CDK6: variants seen among roughly 807,000 people sequenced by gnomAD.
CDK6 encodes the protein cyclin dependent kinase 6, also known as cyclin-dependent kinase 6.
CDK6 carries 6 observed loss-of-function variants against 37.1 expected under a neutral mutation model. The ratio of observed to expected loss-of-function variants is 0.16; its 90% CI spans 0.09 to 0.32. The LOEUF (loss-of-function observed/expected upper bound fraction) is 0.32, where lower values mean the gene tolerates loss of function less well. Among genes scored for constraint, CDK6 ranks in the 10% least tolerant of loss-of-function variants. The probability of loss-of-function intolerance (pLI) is 1.00; values close to 1 mark genes in which losing one functional copy is unlikely to be tolerated. For synonymous variants in CDK6, 160 were observed against 161.3 expected (o/e 0.99, Z 0.06); for missense variants, 224 against 418.9 (o/e 0.53, Z 4.06).
intron 4 of CDK6, among the ~76,000 whole-genome samples, chr7:92,714,908 G>A (rs1325799875): frequency 6.6e-6 from 1 of 151,988 alleles, no homozygotes; most frequent in Non-Finnish European, 1.5e-5. Context: ...ATTCTTGACA[G>A]AATTCTTTCC....
chr7:92,736,479 G>A (rs773223219), intron 3 of CDK6, among the ~76,000 whole-genome samples: 2 of 152,202 alleles, frequency 1.3e-5, no homozygotes, highest in Non-Finnish European at 2.9e-5. Context: ...TAGGCACTGA[G>A]TAAGCACCAA....
chr7:92,757,260 G>A (rs1799339312), intron 3 of CDK6, among the ~76,000 whole-genome samples: 1 of 152,072 alleles, frequency 6.6e-6, no homozygotes, highest in African/African-American at 2.4e-5. Context: ...AAGGTATTAA[G>A]CCCAGTACTG....
At position 92,608,860 on chromosome 7, in the gene CDK6, C is replaced by T. The variant is rs547564660; in HGVS notation, c.*6280G>A. The T allele has an allele frequency of 2.8e-4, 64 of 232,434 alleles. 1 individual carries two copies. The highest frequency in any genetic ancestry group is 1.3e-3 in the African/African-American group (58 of 45,368). The allele number at this position is 232,434 out of a possible 1,614,324, so 14.4% of individuals were successfully genotyped here. On this transcript the variant is annotated 3_prime_UTR_variant, in exon 8 of 8. Coordinates refer to ENST00000424848, the MANE Select transcript of CDK6 (RefSeq NM_001145306.2). ...CCCAGCCCGGCCTCGCCCACTGCCT[C>T]TCTCCTGCCAAAGGGGCGGGGCAAC...
At chr7:92,662,046 GGA>G (rs1796851661) in intron 5 of CDK6, among the ~76,000 whole-genome samples, 1 of 152,152 alleles carries the variant, frequency 6.6e-6, no homozygotes, top group African/African-American at 2.4e-5. Context: ...TTTCCAGAAT[GGA>G]GAGACAAGGG....
chr7:92,759,851 T>G (rs934921332), intron 3 of CDK6, among the ~76,000 whole-genome samples: 4 of 152,126 alleles, frequency 2.6e-5, no homozygotes, highest in Non-Finnish European at 4.4e-5. Flanking sequence ...TACAAACATG[T>G]TGCTGTATGG....
chr7:92,730,431 A>C (rs1355755971), intron 3 of CDK6, among the ~76,000 whole-genome samples: 1 of 152,218 alleles, frequency 6.6e-6, no homozygotes, highest in Admixed American at 6.5e-5. Context: ...GTTTTTTAAC[A>C]CTAAACCAAT....
At chr7:92,762,829 C>T (rs1267071214) in intron 3 of CDK6, among the ~76,000 whole-genome samples, 2 of 152,110 alleles carry the variant, frequency 1.3e-5, no homozygotes, top group African/African-American at 4.8e-5. Flanking sequence ...CCTCAATCTC[C>T]CAAAGTGCTG....
intron 2 of CDK6, among the ~76,000 whole-genome samples, chr7:92,782,457 G>T (rs1406581276): frequency 6.6e-6 from 1 of 152,136 alleles, no homozygotes; most frequent in Non-Finnish European, 1.5e-5. Context: ...GAACAACCCT[G>T]GATTGAGTGA....
chr7:92,618,893 G>GAACAGCAA (rs1795739410), intron 6 of CDK6, among the ~76,000 whole-genome samples: 1 of 152,136 alleles, frequency 6.6e-6, no homozygotes, highest in Non-Finnish European at 1.5e-5. Context: ...AATGTGGAAA[G>GAACAGCAA]AACAGCAAGT....
intron 4 of CDK6, among the ~76,000 whole-genome samples, chr7:92,697,823 C>G (rs1293178170): frequency 6.6e-6 from 1 of 152,148 alleles, no homozygotes; most frequent in Non-Finnish European, 1.5e-5. Flanking sequence ...AGCTGCAATA[C>G]TTGGTTTCTG....
intron 5 of CDK6, among the ~76,000 whole-genome samples, chr7:92,655,324 G>T (rs1187218771): frequency 1.3e-5 from 2 of 152,094 alleles, no homozygotes; most frequent in African/African-American, 4.8e-5. Flanking sequence ...GTTTACAGAG[G>T]TAAATGCAAA....
intron 2 of CDK6, among the ~76,000 whole-genome samples, chr7:92,791,673 C>T (rs1180691220): frequency 6.6e-6 from 1 of 152,128 alleles, no homozygotes. Context: ...GTTGGAGGCC[C>T]TGAAGAAGAG....
intron 3 of CDK6, among the ~76,000 whole-genome samples, chr7:92,770,319 C>CTT (rs746741500): frequency 4.3e-4 from 39 of 90,886 alleles, no homozygotes; most frequent in South Asian, 6.8e-4. Context: ...TCTATGTATG[C>CTT]TTTTTTTTTT....
intron 7 of CDK6, among the ~76,000 whole-genome samples, chr7:92,617,777 G>T (rs1795713507): frequency 6.6e-6 from 1 of 152,114 alleles, no homozygotes; most frequent in Admixed American, 6.5e-5. Flanking sequence ...TACTTCTAAA[G>T]AAACATATGT....
Position 92,823,263 on chromosome 7 carries a change from G to A in CDK6, c.233+9828C>T, listed in dbSNP as rs577091983. On this transcript the variant is annotated intron_variant, in intron 2 of 7. Coordinates refer to ENST00000424848, the MANE Select transcript of CDK6 (RefSeq NM_001145306.2). ...CATCACTTTGAGTCAGTCAATACTT[G>A]AGTAGTAATGTCTGTGAAACAGACT... Among the ~76,000 whole-genome samples, 12 of 151,438 alleles carry A rather than the reference G, an allele frequency of 7.9e-5. No individual in the cohort carries two copies. The South Asian group carries it at 2.1e-3, about 26-fold the overall frequency.
chr7:92,671,533 G>A lies in CDK6; in HGVS notation c.540C>T (p.Val180=), dbSNP rs369715470. ...YSFQMALTSV[V]VTLWYRAPEV... is the part of the protein sequence containing the mutation. ...CGGGTGCTCTGTACCACAGCGTGAC[G>A]ACCTGCAATGGCAAGCGGATCCAAG... The change falls in exon 5 of 8, where the codon GTC becomes GTT. Residue 180 remains valine, a splice_region_variant and synonymous_variant. Coordinates refer to ENST00000424848, the MANE Select transcript of CDK6 (RefSeq NM_001145306.2). 10 of 1,549,944 alleles carry A rather than the reference G, an allele frequency of 6.5e-6. No individual in the cohort carries two copies. In the African/African-American group the frequency reaches 1.3e-4, roughly 19 times the overall value.
chr7:92,653,922 C>T (rs961368160), intron 5 of CDK6, among the ~76,000 whole-genome samples: 9 of 152,134 alleles, frequency 5.9e-5, no homozygotes, highest in Non-Finnish European at 1.2e-4. Flanking sequence ...TCATCAATTT[C>T]TTAGGCCAGA....
At chr7:92,789,811 C>T (rs1484874429) in intron 2 of CDK6, among the ~76,000 whole-genome samples, 1 of 152,120 alleles carries the variant, frequency 6.6e-6, no homozygotes. Flanking sequence ...GATGAAGAAG[C>T]TAAGATTCAT....
In CDK6 at chr7:92,614,569, C is replaced by CTATTT; in HGVS notation, c.*566_*570dup. 1 of 233,704 alleles carries CTATTT rather than the reference C, an allele frequency of 4.3e-6. No homozygotes were observed. Among genetic ancestry groups the CTATTT allele is most frequent in the African/African-American group, 2.2e-5 (1 of 45,462 alleles). 14.5% of individuals were successfully genotyped at this position (233,704 alleles called of 1,614,324 possible). ...GGGTTAACTTTCTAATTTGAGAAGA[C>CTATTT]TATTTTGGTGAATCACCTTCAGTGA... On this transcript the variant is annotated 3_prime_UTR_variant, in exon 8 of 8. Coordinates refer to ENST00000424848, the MANE Select transcript of CDK6 (RefSeq NM_001145306.2).
Sources: allele counts gnomAD v4.1 joint callset (sites outside exome capture counted in the v4.1 genomes callset), GRCh38; gene constraint gnomAD v4.1.1; transcripts MANE v1.5; gene names NCBI Gene and HGNC (gene_info 2026-07-23, HGNC 2026-07-21).